The following NTS variants were observed in gnomAD, a reference collection of about 807,000 sequenced individuals.
NTS encodes the protein neurotensin/neuromedin N.
NTS carries 20 observed loss-of-function variants against 19.5 expected under a neutral mutation model. That is an observed-to-expected ratio of 1.02 (90% CI 0.72 to 1.49). The LOEUF (loss-of-function observed/expected upper bound fraction) is 1.49. Among genes scored for constraint, NTS ranks in the 40% most tolerant of loss-of-function variants. NTS has a pLI of 0.00. For missense variants in NTS, 215 were observed against 193.1 expected, an observed-to-expected ratio of 1.11 and a Z score of -0.67; for synonymous variants, 71 against 63.3, an observed-to-expected ratio of 1.12 and a Z score of -0.58.
At chr12:85,875,084 CTGTT>C (rs1313475273) in intron 1 of NTS, among the ~76,000 whole-genome samples, 11 of 152,050 alleles carry the variant, frequency 7.2e-5, no homozygotes, top group Admixed American at 3.9e-4. Flanking sequence ...ATTAATATAA[CTGTT>C]TGGCATTTTT....
At chr12:85,879,673 G>C (rs1305920745) in intron 3 of NTS, among the ~76,000 whole-genome samples, 1 of 131,282 alleles carries the variant, frequency 7.6e-6, no homozygotes, top group Non-Finnish European at 1.6e-5. Context: ...TATATTTTAT[G>C]TATATAAAAT....
intron 2 of NTS, 146 bp downstream of exon 2, chr12:85,876,847 T>G (rs1269174644): frequency 2.9e-5 from 12 of 420,724 alleles, no homozygotes; most frequent in Non-Finnish European, 8.5e-6. Flanking sequence ...AAAAATTTCT[T>G]TTAGTTAAAA....
rs1187589703 is a variant in NTS, at chr12:85,874,422, A to T, written c.19A>T (p.Ile7Phe). 1 of 1,613,514 alleles carries T rather than the reference A, an allele frequency of 6.2e-7. No individual in the cohort carries two copies. The highest frequency in any genetic ancestry group is 1.1e-5 in the South Asian group (1 of 91,064). ...CTGAAAGATGATGGCAGGAATGAAAATCCAGCTTGTATGCATGCTACTCCT... is the reference window on the plus strand; with the variant it reads ...CTGAAAGATGATGGCAGGAATGAAATTCCAGCTTGTATGCATGCTACTCCT... Reference protein sequence around the residue: MMAGMKIQLVCMLLLAF... With the variant: MMAGMKFQLVCMLLLAF... The change falls in exon 1 of 4, where the codon ATC becomes TTC. Residue 7 changes from isoleucine to phenylalanine, a missense_variant. Ile to Phe is a conservative substitution (Grantham distance 21, BLOSUM62 0). Coordinates refer to ENST00000256010, the MANE Select transcript of NTS (RefSeq NM_006183.5).
chr12:85,877,504 T>C (rs1392929667), intron 2 of NTS, among the ~76,000 whole-genome samples: 1 of 151,822 alleles, frequency 6.6e-6, no homozygotes, highest in African/African-American at 2.4e-5. Flanking sequence ...TTCCAATCTG[T>C]ACCTAGGAAT....
At chr12:85,879,942 T>C (rs1881465265) in intron 3 of NTS, among the ~76,000 whole-genome samples, 2 of 148,522 alleles carry the variant, frequency 1.3e-5, no homozygotes, top group Non-Finnish European at 3.0e-5. Flanking sequence ...ATTAGGTTAG[T>C]GCAAAAGTAA....
At chr12:85,879,862 A>T (rs1023117806) in intron 3 of NTS, among the ~76,000 whole-genome samples, 1 of 145,624 alleles carries the variant, frequency 6.9e-6, no homozygotes, top group African/African-American at 2.5e-5. Context: ...ATTTACATAT[A>T]TTTAAAATAT....
chr12:85,879,813 T>A (rs1467741215), intron 3 of NTS, among the ~76,000 whole-genome samples: 1 of 144,172 alleles, frequency 6.9e-6, no homozygotes, highest in Non-Finnish European at 1.5e-5. Context: ...AATATATTTT[T>A]ATGTATATTT....
At chr12:85,876,544 C>A in intron 1 of NTS, 96 bp from the exon 2 acceptor site, 1 of 637,066 alleles carries the variant, frequency 1.6e-6, no homozygotes, top group South Asian at 3.4e-5. Context: ...AGACACTAAC[C>A]TCTAAGATTT....
intron 2 of NTS, 108 bp downstream of exon 2, chr12:85,876,809 C>T: frequency 1.8e-6 from 1 of 554,246 alleles, no homozygotes; most frequent in Non-Finnish European, 3.0e-6. Flanking sequence ...TTGAAAAGTT[C>T]CTTGAGAGGC....
intron 3 of NTS, 31 bp downstream of exon 3, chr12:85,878,600 A>G (rs58553548): frequency 1.3e-5 from 17 of 1,320,744 alleles, no homozygotes; most frequent in Non-Finnish European, 1.8e-5. Context: ...TAATATGATT[A>G]TAGTTACACT....
At chr12:85,876,754 A>T (rs1467353556) in intron 2 of NTS, 53 bp downstream of exon 2, 4 of 930,292 alleles carry the variant, frequency 4.3e-6, no homozygotes, top group African/African-American at 1.7e-5. Flanking sequence ...AACTTTCATT[A>T]TAAACATGGT....
rs1881522589 is a variant in NTS, at chr12:85,882,436, T to C, written c.*61T>C. On this transcript the variant is annotated 3_prime_UTR_variant, in exon 4 of 4. Coordinates refer to ENST00000256010, the MANE Select transcript of NTS (RefSeq NM_006183.5). ...CATCATCCCTTAATTAAATATCAAATTATATTTGTGTGAAAATGTGACAAA... is the reference window on the plus strand; with the variant it reads ...CATCATCCCTTAATTAAATATCAAACTATATTTGTGTGAAAATGTGACAAA... 7.8e-7 allele frequency: 1 copy of C among 1,279,126 alleles called. No homozygotes were observed. The highest frequency in any genetic ancestry group is 1.1e-6 in the Non-Finnish European group (1 of 930,444). 79.2% of individuals were successfully genotyped at this position (1,279,126 alleles called of 1,614,324 possible).
At chr12:85,880,398 T>C (rs936727984) in intron 3 of NTS, among the ~76,000 whole-genome samples, 2 of 152,120 alleles carry the variant, frequency 1.3e-5, no homozygotes, top group African/African-American at 4.8e-5. Context: ...AATTAACCTC[T>C]AAGAGAAACT....
rs751031141 is a variant in NTS at position 85,882,364 on chromosome 12, T to C, written c.502T>C (p.Tyr168His). Residue 168 changes from tyrosine (Y) to histidine (H), a missense_variant, in exon 4 of 4, where the codon TAC (tyrosine) becomes CAC (histidine). By Grantham distance (83) the Tyr-to-His change is moderately conservative (BLOSUM62 2). Coordinates refer to ENST00000256010, the MANE Select transcript of NTS (RefSeq NM_006183.5). ...RRPYILKRDS[Y>H]YY Reference sequence around the variant, plus strand: ...ACCCTACATACTCAAAAGAGATTCTTACTATTACTGAGAGAATAAATCATT... The same window carrying C: ...ACCCTACATACTCAAAAGAGATTCTCACTATTACTGAGAGAATAAATCATT... The C allele has an allele frequency of 1.9e-6, 3 of 1,570,370 alleles. No homozygotes were observed. The highest frequency in any genetic ancestry group is 1.2e-5 in the South Asian group (1 of 83,608).
chr12:85,879,256 A>ATATTTTTATATAT (rs369316891), intron 3 of NTS, among the ~76,000 whole-genome samples: 3 of 18 alleles, frequency 0.17, 1 homozygote, highest in Admixed American at 0.25. Flanking sequence ...TATTATACAT[A>ATATTTTTATATAT]ATTTTATGTA....
intron 3 of NTS, 132 bp from the exon 4 acceptor site, chr12:85,882,091 C>T: frequency 1.5e-6 from 1 of 661,220 alleles, no homozygotes; most frequent in Non-Finnish European, 2.5e-6. Context: ...TTTCTTTGAA[C>T]TTCATGTATC....
At chr12:85,880,333 TA>T (rs1238966069) in intron 3 of NTS, among the ~76,000 whole-genome samples, 2 of 152,102 alleles carry the variant, frequency 1.3e-5, no homozygotes, top group Non-Finnish European at 2.9e-5. Flanking sequence ...ATAAATTCTT[TA>T]ACAAAATCAA....
intron 2 of NTS, among the ~76,000 whole-genome samples, chr12:85,877,860 G>T (rs1304983347): frequency 6.6e-6 from 1 of 152,116 alleles, no homozygotes; most frequent in East Asian, 1.9e-4. Context: ...GTTAATACAT[G>T]AAGGTTCTAT....
rs552179172 is a variant in NTS, at chr12:85,874,551, T to A, written c.73+75T>A. On this transcript the variant is annotated intron_variant, in intron 1 of 3. Coordinates refer to ENST00000256010, the MANE Select transcript of NTS (RefSeq NM_006183.5). Reference sequence around the variant, plus strand: ...TTTTGCAGTGTGTTGCTACTTATGTTAATGTATCTGGGGAGAAGAGTTGCT... The same window carrying A: ...TTTTGCAGTGTGTTGCTACTTATGTAAATGTATCTGGGGAGAAGAGTTGCT... 3.0e-5 allele frequency: 30 copies of A among 997,000 alleles called. No homozygotes were observed. The African/African-American group carries it at 4.0e-4, about 13-fold the overall frequency. The allele number at this position is 997,000 out of a possible 1,614,324, so 61.8% of individuals were successfully genotyped here. A position where few individuals can be genotyped will look rare whatever the true frequency, so the allele number is the denominator to read the frequency against.
Sources: gnomAD v4.1 joint callset for allele counts (sites outside exome capture counted in the v4.1 genomes callset) on GRCh38, gnomAD v4.1.1 for gene constraint, MANE v1.5 for transcripts, NCBI Gene and HGNC (gene_info 2026-07-23, HGNC 2026-07-21) for gene names.